LIFR: variants seen among roughly 807,000 people sequenced by gnomAD.
LIFR encodes the protein LIF receptor subunit alpha.
LIFR carries 84 observed loss-of-function variants against 122.2 expected under a neutral mutation model. That is an observed-to-expected ratio of 0.69 (90% CI 0.58 to 0.82). The LOEUF is 0.82. Among genes scored for constraint, LIFR ranks in the 40% least tolerant of loss-of-function variants. The pLI is 0.00. For synonymous variants in LIFR, 422 were observed against 434.7 expected, an observed-to-expected ratio of 0.97 and a Z score of 0.36; for missense variants, 1,294 against 1,311.6, an observed-to-expected ratio of 0.99 and a Z score of 0.21.
chr5:38,497,716 T>G (rs1744958785), intron 12 of LIFR, among the ~76,000 whole-genome samples: 1 of 152,230 alleles, frequency 6.6e-6, no homozygotes, highest in African/African-American at 2.4e-5. Context: ...TAGATTTTTT[T>G]ACTAACATTG....
At chr5:38,515,196 G>C (rs1316728130) in intron 5 of LIFR, among the ~76,000 whole-genome samples, 1 of 152,070 alleles carries the variant, frequency 6.6e-6, no homozygotes, top group Non-Finnish European at 1.5e-5. Context: ...GCTTGGTAGG[G>C]GTTGGGGCTA....
intron 1 of LIFR, among the ~76,000 whole-genome samples, chr5:38,574,373 C>T (rs567393771): frequency 4.9e-4 from 74 of 152,264 alleles, no homozygotes; most frequent in South Asian, 2.5e-3. Context: ...CCAGACCCCC[C>T]GGACTGGTTA....
At chr5:38,561,048 T>TATA (rs1748820915), upstream of LIFR, among the ~76,000 whole-genome samples, 1 of 152,226 alleles carries the variant, frequency 6.6e-6, no homozygotes, top group South Asian at 2.1e-4. Context: ...CCAAGCTTCC[T>TATA]CATAGCAGTG....
intron 1 of LIFR, among the ~76,000 whole-genome samples, chr5:38,550,916 CAAGTT>C (rs1183874695): frequency 6.6e-6 from 1 of 152,178 alleles, no homozygotes; most frequent in Admixed American, 6.5e-5. Flanking sequence ...AGCTTTCAAT[CAAGTT>C]ATCTACTTTA....
At chr5:38,540,899 A>T (rs1747556081) in intron 1 of LIFR, among the ~76,000 whole-genome samples, 1 of 152,176 alleles carries the variant, frequency 6.6e-6, no homozygotes, top group Non-Finnish European at 1.5e-5. Context: ...CTTGCTGCTG[A>T]AATAATCTTA....
intron 5 of LIFR, among the ~76,000 whole-genome samples, chr5:38,518,807 C>T (rs1448418297): frequency 6.6e-6 from 1 of 152,074 alleles, no homozygotes; most frequent in Non-Finnish European, 1.5e-5. Context: ...GCATGGTTAC[C>T]AGAGGAGATG....
In LIFR at chr5:38,478,294, A is replaced by G. The variant is rs1743817635; in HGVS notation, c.*3301T>C. The G allele has an allele frequency of 1.5e-5, 3 of 205,744 alleles. No individual in the cohort carries two copies. The highest frequency in any genetic ancestry group is 2.0e-5 in the Non-Finnish European group (2 of 100,564). 12.7% of individuals were successfully genotyped at this position (205,744 alleles called of 1,614,324 possible). The stretch of plus-strand genomic sequence containing the variant: ...AATAGTACTAAATGTTCTAAATGTA[A>G]TCTTTCAGATCCACGAGCGGTGAAA... On this transcript the variant is annotated 3_prime_UTR_variant, in exon 20 of 20. Transcript: ENST00000453190.
At chr5:38,566,654 T>C (rs1311305820) in intron 1 of LIFR, among the ~76,000 whole-genome samples, 4 of 152,192 alleles carry the variant, frequency 2.6e-5, no homozygotes, top group Non-Finnish European at 4.4e-5. Flanking sequence ...GGATCCTCAA[T>C]TATAACATAA....
At chr5:38,485,732 C>A (rs940976896) in intron 17 of LIFR, 87 bp downstream of exon 17, 2 of 1,441,440 alleles carry the variant, frequency 1.4e-6, no homozygotes, top group East Asian at 2.3e-5. Context: ...TTAGAAAGGG[C>A]GGGGAGGGGT....
chr5:38,534,927 A>G (rs1217150551), intron 1 of LIFR, among the ~76,000 whole-genome samples: 1 of 152,158 alleles, frequency 6.6e-6, no homozygotes, highest in African/African-American at 2.4e-5. Context: ...TCCAAAATAC[A>G]AGTGAAAATT....
intron 1 of LIFR, among the ~76,000 whole-genome samples, chr5:38,547,225 T>C (rs951228557): frequency 1.3e-5 from 2 of 152,134 alleles, no homozygotes; most frequent in Admixed American, 1.3e-4. Context: ...ACGAGATAGA[T>C]AGAATACATA....
upstream of LIFR, chr5:38,558,511 G>A (rs917522693): frequency 6.6e-6 from 1 of 152,152 alleles, no homozygotes; most frequent in Non-Finnish European, 1.5e-5. Flanking sequence ...TGCAGGTTTT[G>A]TGGGGCCTGC....
intron 1 of LIFR, among the ~76,000 whole-genome samples, chr5:38,586,316 A>G (rs543757412): frequency 2.4e-4 from 36 of 152,224 alleles, no homozygotes; most frequent in Admixed American, 5.2e-4. Context: ...ATTTTCAGCA[A>G]AGTTTATAAC....
intron 1 of LIFR, among the ~76,000 whole-genome samples, chr5:38,531,195 T>C (rs1746989479): frequency 6.6e-6 from 1 of 152,196 alleles, no homozygotes; most frequent in Non-Finnish European, 1.5e-5. Context: ...TATGGAGATG[T>C]TGCACATTGG....
At chr5:38,604,700 CA>C (rs34735574) in intron 2 of LIFR, among the ~76,000 whole-genome samples, 36,570 of 140,944 alleles carry the variant, frequency 0.26, 4,702 homozygotes, top group African/African-American at 0.35. Flanking sequence ...GACTCTGTCT[CA>C]AAAAAAAAAA....
rs756514231 is a variant in LIFR, at chr5:38,504,131, T to C, written c.1292-10A>G. On this transcript the variant is annotated splice_polypyrimidine_tract_variant and intron_variant, in intron 9 of 19. Coordinates refer to ENST00000453190, the MANE Select transcript of LIFR (RefSeq NM_001127671.2). ...GGAGTATGGGGATAAACTGCAAATA[T>C]AATTTTTAAAGATTAAACACTTATT... The C allele has an allele frequency of 3.3e-6, 5 of 1,496,046 alleles. No individual in the cohort carries two copies. The South Asian group carries it at 4.6e-5, about 14-fold the overall frequency. The allele number at this position is 1,496,046 out of a possible 1,614,324, so 92.7% of individuals were successfully genotyped here.
chr5:38,594,565 G>T (rs1490700586), intron 1 of LIFR, among the ~76,000 whole-genome samples: 2 of 152,070 alleles, frequency 1.3e-5, no homozygotes, highest in Admixed American at 6.5e-5. Flanking sequence ...GTGGGCAGGG[G>T]TATATGAAGC....
In LIFR at chr5:38,513,560, A is replaced by G. The variant is rs529207010; in HGVS notation, c.562-1596T>C. On this transcript the variant is annotated intron_variant, in intron 5 of 19. Transcript: ENST00000453190. ...GGAAGAGATGAGAATGGGGACTATCATTCCAAAAACAGGGGGATTGCTAAC... is the reference window on the plus strand; with the variant it reads ...GGAAGAGATGAGAATGGGGACTATCGTTCCAAAAACAGGGGGATTGCTAAC... Among the ~76,000 whole-genome samples the G allele has an allele frequency of 2.0e-5, 3 of 152,356 alleles. No homozygotes were observed. The East Asian group carries it at 5.8e-4, about 29-fold the overall frequency.
chr5:38,500,341 G>A (rs916387759), intron 11 of LIFR, among the ~76,000 whole-genome samples: 6 of 152,182 alleles, frequency 3.9e-5, no homozygotes, highest in African/African-American at 1.4e-4. Context: ...CGAAATGCTT[G>A]GGAGCAAAAG....
Sources: gnomAD v4.1 joint callset for allele counts (sites outside exome capture counted in the v4.1 genomes callset) on GRCh38, gnomAD v4.1.1 for gene constraint, MANE v1.5 for transcripts, NCBI Gene and HGNC (gene_info 2026-07-23, HGNC 2026-07-21) for gene names.